The following ADCY2 variants were observed in gnomAD, a reference collection of about 807,000 sequenced individuals.
The protein encoded by ADCY2 is adenylate cyclase type 2.
A neutral mutation model predicts 125.2 loss-of-function variants in ADCY2; 31 were observed. The observed-to-expected ratio is 0.25, with a 90% CI of 0.19 to 0.33. The LOEUF is 0.33. ADCY2 is among the 10% of genes least tolerant of loss of function. The pLI, the probability that ADCY2 is intolerant of heterozygous loss-of-function variation, is 1.00. For synonymous variants in ADCY2, 512 were observed against 548.4 expected, an observed-to-expected ratio of 0.93 and a Z score of 0.93; for missense variants, 904 against 1,418.2, an observed-to-expected ratio of 0.64 and a Z score of 5.82.
intron 1 of ADCY2, among the ~76,000 whole-genome samples, chr5:7,410,412 A>G (rs1196829833): frequency 6.6e-6 from 1 of 152,220 alleles, no homozygotes; most frequent in Non-Finnish European, 1.5e-5. Flanking sequence ...CATCTAAGAA[A>G]CAAAGGAATT....
chr5:7,576,055 G>A (rs1213818130), intron 3 of ADCY2, among the ~76,000 whole-genome samples: 2 of 152,166 alleles, frequency 1.3e-5, no homozygotes, highest in African/African-American at 2.4e-5. Flanking sequence ...GCTCTGGCTG[G>A]GTATGATGTT....
chr5:7,593,039 G>A (rs533033797), intron 3 of ADCY2, among the ~76,000 whole-genome samples: 81 of 152,296 alleles, frequency 5.3e-4, no homozygotes, highest in African/African-American at 1.8e-3. Context: ...ACCAAACCTT[G>A]TATATCTGAG....
chr5:7,570,675 T>C (rs1579584503), intron 3 of ADCY2, among the ~76,000 whole-genome samples: 1 of 150,934 alleles, frequency 6.6e-6, no homozygotes, highest in African/African-American at 2.4e-5. Flanking sequence ...CACAAAGAGA[T>C]GTCTAAATAT....
chr5:7,733,591 G>A (rs1742167899), intron 14 of ADCY2, among the ~76,000 whole-genome samples: 1 of 152,132 alleles, frequency 6.6e-6, no homozygotes, highest in Admixed American at 6.5e-5. Context: ...AAGGGAGTTT[G>A]TGACCTGTAG....
intron 18 of ADCY2, among the ~76,000 whole-genome samples, chr5:7,776,196 A>G (rs1257919435): frequency 7.3e-6 from 1 of 137,904 alleles, no homozygotes; most frequent in Non-Finnish European, 1.6e-5. Context: ...AGATCCTTAA[A>G]AAAAAAAAAA....
At chr5:7,646,125 A>T (rs917038731) in intron 4 of ADCY2, among the ~76,000 whole-genome samples, 7 of 151,848 alleles carry the variant, frequency 4.6e-5, no homozygotes, top group South Asian at 2.1e-4. Context: ...TGGGATTTTT[A>T]AAAAAAACGT....
intron 9 of ADCY2, among the ~76,000 whole-genome samples, chr5:7,708,899 C>A (rs1741348938): frequency 6.6e-6 from 1 of 152,144 alleles, no homozygotes; most frequent in Non-Finnish European, 1.5e-5. Flanking sequence ...TTTAGAAAAA[C>A]ACAACCATCA....
chr5:7,505,397 T>C (rs866152149), intron 2 of ADCY2, among the ~76,000 whole-genome samples: 1 of 152,192 alleles, frequency 6.6e-6, no homozygotes, highest in Admixed American at 6.5e-5. Flanking sequence ...GCGAGGGAGC[T>C]GCTGGTGCAG....
intron 4 of ADCY2, among the ~76,000 whole-genome samples, chr5:7,665,183 T>C (rs899281834): frequency 6.6e-6 from 1 of 152,130 alleles, no homozygotes; most frequent in African/African-American, 2.4e-5. Context: ...AGAATAAGTC[T>C]CTTCAAATAT....
intron 2 of ADCY2, among the ~76,000 whole-genome samples, chr5:7,519,337 G>A (rs775724137): frequency 2.2e-4 from 33 of 152,276 alleles, no homozygotes; most frequent in South Asian, 2.1e-4. Flanking sequence ...TACCAGAAGC[G>A]CTGGCGTGAT....
intron 2 of ADCY2, among the ~76,000 whole-genome samples, chr5:7,488,323 C>T (rs201981709): frequency 1.3e-5 from 2 of 152,250 alleles, no homozygotes; most frequent in South Asian, 2.1e-4. Context: ...CCAGCCATGT[C>T]GAGCTGTGAG....
intron 2 of ADCY2, among the ~76,000 whole-genome samples, chr5:7,513,131 CAA>C (rs1491389123): frequency 9.5e-6 from 1 of 105,176 alleles, no homozygotes; most frequent in African/African-American, 3.3e-5. Flanking sequence ...AGAGAGAGAG[CAA>C]GAGAGAGAGA....
In ADCY2 at chr5:7,757,463, A is replaced by G. The variant is rs773888611; in HGVS notation, c.1971A>G (p.Lys657=). The G allele has an allele frequency of 3.7e-5, 60 of 1,613,586 alleles. No homozygotes were observed. The highest frequency in any genetic ancestry group is 4.5e-5 in the Non-Finnish European group (53 of 1,179,818). The change falls in exon 16 of 25, where the codon AAA becomes AAG. Residue 657 remains lysine (K), a synonymous_variant. Transcript: ENST00000338316. ...TCTTCTCCTAGCAATGCAGCAAAAA[A>G]GCCTCTCCCCTGCTCATGTGGCTTT... The part of the protein sequence containing the change: ...FAGQLLQCSK[K]ASPLLMWLLK...
chr5:7,801,495 A>G (rs13162758), intron 20 of ADCY2: 40,268 of 152,196 alleles, frequency 0.26, 6,811 homozygotes, highest in Non-Finnish European at 0.38. Context: ...CTCCACACCT[A>G]GGACTAGCCC....
At chr5:7,815,882 G>A (rs548169734) in intron 22 of ADCY2, among the ~76,000 whole-genome samples, 1 of 152,288 alleles carries the variant, frequency 6.6e-6, no homozygotes, top group East Asian at 1.9e-4. Flanking sequence ...TAATTGCCTC[G>A]CTGTTCTGGA....
intron 2 of ADCY2, among the ~76,000 whole-genome samples, chr5:7,448,808 TG>T (rs1251093127): frequency 1.3e-5 from 2 of 152,200 alleles, no homozygotes; most frequent in African/African-American, 4.8e-5. Flanking sequence ...GACATGATCT[TG>T]TTCCTTTCTG....
At chr5:7,769,546 T>C (rs1743495951) in intron 17 of ADCY2, among the ~76,000 whole-genome samples, 1 of 152,216 alleles carries the variant, frequency 6.6e-6, no homozygotes, top group South Asian at 2.1e-4. Flanking sequence ...TCAGAGACCC[T>C]TATTTTTATA....
rs368515867 is a variant in ADCY2, at chr5:7,764,958, G to A, written c.2095-1729G>A. ...AGAATGAAGAGTTTCTTGAATTTAC[G>A]GGTAGTTGATATTAATAAATACTAG... On this transcript the variant is annotated intron_variant, in intron 16 of 24. Transcript: ENST00000338316. Among the ~76,000 whole-genome samples, 29 of 152,254 alleles carry A rather than the reference G, an allele frequency of 1.9e-4. 1 individual carries two copies. The highest frequency in any genetic ancestry group is 1.2e-3 in the Admixed American group (18 of 15,298).
chr5:7,811,633 C>A (rs1038820864), intron 22 of ADCY2, among the ~76,000 whole-genome samples: 1 of 151,854 alleles, frequency 6.6e-6, no homozygotes, highest in Non-Finnish European at 1.5e-5. Context: ...TAAACAAATC[C>A]AATGGCAGGC....
Sources: allele counts gnomAD v4.1 joint callset (sites outside exome capture counted in the v4.1 genomes callset), GRCh38; gene constraint gnomAD v4.1.1; transcripts MANE v1.5; gene names NCBI Gene and HGNC (gene_info 2026-07-23, HGNC 2026-07-21).